SLC16A2: variants seen among roughly 807,000 people sequenced by gnomAD.
SLC16A2 encodes the protein solute carrier family 16 member 2, also known as monocarboxylate transporter 8.
A neutral mutation model predicts 27.2 loss-of-function variants in SLC16A2; 3 were observed. The observed-to-expected ratio is 0.11, with a 90% CI of 0.05 to 0.28. SLC16A2 has a LOEUF of 0.28. Ranked by LOEUF, SLC16A2 falls within the 10% of genes least tolerant of loss-of-function variation. The pLI, the probability that SLC16A2 is intolerant of heterozygous loss-of-function variation, is 1.00. For missense variants in SLC16A2, 295 were observed against 458.5 expected (o/e 0.64, Z 3.26); for synonymous variants, 202 against 187.8 (o/e 1.08, Z -0.62).
At chrX:74,509,851 G>A (rs1389632768) in intron 1 of SLC16A2, among the ~76,000 whole-genome samples, 1 of 112,497 alleles carries the variant, frequency 8.9e-6, no homozygotes, top group East Asian at 2.8e-4. Context: ...ACAGGCGTGG[G>A]CCACCGCTCC....
chrX:74,490,795 A>T (rs762593472), intron 1 of SLC16A2, among the ~76,000 whole-genome samples: 1 of 112,183 alleles, frequency 8.9e-6, no homozygotes, highest in East Asian at 2.8e-4. Context: ...GCACACAGAC[A>T]AGCCAAACTG....
chrX:74,440,038 G>C (rs911089951), intron 1 of SLC16A2, among the ~76,000 whole-genome samples: 11 of 111,598 alleles, frequency 9.9e-5, no homozygotes, highest in Non-Finnish European at 1.1e-4. Context: ...AGAATTCCTA[G>C]TGATAGAGTT....
intron 1 of SLC16A2, among the ~76,000 whole-genome samples, chrX:74,442,727 C>T (rs765362099): frequency 4.5e-5 from 5 of 111,979 alleles, no homozygotes; most frequent in African/African-American, 1.3e-4. Flanking sequence ...GAGGCCAAGG[C>T]GGGTGGATCA....
rs775626295 is a variant in SLC16A2 at position 74,452,745 on chromosome X, A to G, written c.430+30678A>G. ...ACTGACGGTCACTGACATAGTTTCA[A>G]TTGTCCTCAGCCTACAGTTCACTCT... On this transcript the variant is annotated intron_variant, in intron 1 of 5. Coordinates refer to ENST00000587091, the MANE Select transcript of SLC16A2 (RefSeq NM_006517.5). Among the ~76,000 whole-genome samples the G allele has an allele frequency of 3.6e-5, 4 of 111,035 alleles. No individual in the cohort carries two copies. In the South Asian group the frequency reaches 1.2e-3, roughly 32 times the overall value.
chrX:74,472,055 AT>A (rs1438464057), intron 1 of SLC16A2, among the ~76,000 whole-genome samples: 2 of 112,060 alleles, frequency 1.8e-5, no homozygotes, highest in Non-Finnish European at 3.8e-5. Context: ...ATACATATAC[AT>A]TTTGTTTATC....
chrX:74,421,799 G>GCCCCAGCCCCTACCGGAC lies in SLC16A2; in HGVS notation c.166_183dup (p.Gln56_Pro61dup), dbSNP rs1340423988. 8.7e-6 allele frequency: 10 copies of GCCCCAGCCCCTACCGGAC among 1,154,678 alleles called. No homozygotes were observed. The highest frequency in any genetic ancestry group is 9.3e-6 in the Non-Finnish European group (8 of 862,284). ...TGCCCCCGCCCGAGCCCCAGCCGGA[G>GCCCCAGCCCCTACCGGAC]CCCCAGCCCCTACCGGACCCCGCAC... On this transcript the variant is annotated inframe_insertion, in exon 1 of 6. Coordinates refer to ENST00000587091, the MANE Select transcript of SLC16A2 (RefSeq NM_006517.5).
At chrX:74,509,666 C>T (rs928623096) in intron 1 of SLC16A2, among the ~76,000 whole-genome samples, 13 of 111,081 alleles carry the variant, frequency 1.2e-4, no homozygotes, top group East Asian at 5.7e-4. Flanking sequence ...TGGGTTCAAG[C>T]GATTCTCCTT....
chrX:74,511,050 G>A (rs937779388), intron 1 of SLC16A2, among the ~76,000 whole-genome samples: 3 of 111,106 alleles, frequency 2.7e-5, no homozygotes, highest in South Asian at 7.6e-4. Flanking sequence ...CAGCCTGGGT[G>A]ACAGAGCAAG....
chrX:74,497,132 T>C (rs1929952056), intron 1 of SLC16A2, among the ~76,000 whole-genome samples: 1 of 111,488 alleles, frequency 9.0e-6, no homozygotes. Flanking sequence ...TCTTGGGAAA[T>C]GCAACATTTG....
chrX:74,519,471 C>T (rs777436822), intron 1 of SLC16A2, among the ~76,000 whole-genome samples: 30 of 104,628 alleles, frequency 2.9e-4, no homozygotes, highest in African/African-American at 9.6e-4. Context: ...GCCACCACGC[C>T]TGGCCCTGAT....
chrX:74,447,815 G>A (rs1041323954), intron 1 of SLC16A2, among the ~76,000 whole-genome samples: 2 of 110,143 alleles, frequency 1.8e-5, no homozygotes, highest in Admixed American at 9.7e-5. Flanking sequence ...ACAAAACCCC[G>A]TCTCTACTAA....
At chrX:74,511,207 A>G (rs1456051418) in intron 1 of SLC16A2, among the ~76,000 whole-genome samples, 2 of 109,807 alleles carry the variant, frequency 1.8e-5, no homozygotes, top group Non-Finnish European at 3.8e-5. Flanking sequence ...TTTGAGACGG[A>G]GTCTCGCTCT....
At chrX:74,488,850 G>A (rs1277119646) in intron 1 of SLC16A2, among the ~76,000 whole-genome samples, 2 of 110,083 alleles carry the variant, frequency 1.8e-5, no homozygotes, top group African/African-American at 3.3e-5. Context: ...TTATTTTCTG[G>A]TTCCTTTTAC....
chrX:74,524,122 T>C (rs762455085), intron 2 of SLC16A2, among the ~76,000 whole-genome samples: 34 of 111,663 alleles, frequency 3.0e-4, no homozygotes, highest in Admixed American at 9.5e-4. Context: ...CAAGTCCAAG[T>C]TTTGCTGATT....
At chrX:74,486,989 T>C (rs1160489904) in intron 1 of SLC16A2, among the ~76,000 whole-genome samples, 1 of 112,260 alleles carries the variant, frequency 8.9e-6, no homozygotes, top group African/African-American at 3.2e-5. Context: ...GAAAGGATTA[T>C]AAATCATGCT....
At chrX:74,495,144 G>A (rs567405195) in intron 1 of SLC16A2, among the ~76,000 whole-genome samples, 2 of 112,012 alleles carry the variant, frequency 1.8e-5, no homozygotes, top group African/African-American at 6.5e-5. Context: ...GAGCCTTTTG[G>A]AAGCAGCTCC....
chrX:74,480,265 C>T (rs1929587078), intron 1 of SLC16A2, among the ~76,000 whole-genome samples: 1 of 112,510 alleles, frequency 8.9e-6, no homozygotes, highest in African/African-American at 3.2e-5. Flanking sequence ...GCTCCATGGG[C>T]CTAGGACCCT....
chrX:74,494,076 A>G (rs1929888781), intron 1 of SLC16A2, among the ~76,000 whole-genome samples: 1 of 111,994 alleles, frequency 8.9e-6, no homozygotes, highest in Non-Finnish European at 1.9e-5. Context: ...CTTCTCAATG[A>G]GGGGCTGAAA....
Position 74,524,649 on chromosome X carries a change from A to G in SLC16A2, c.866A>G (p.Asp289Gly). 1 of 1,211,646 alleles carries G rather than the reference A, an allele frequency of 8.3e-7. No individual in the cohort carries two copies. Among genetic ancestry groups the G allele is most frequent in the Non-Finnish European group, 1.1e-6 (1 of 895,495 alleles). ...CGGCCCCTCCTGCCCAGCTCCCAGGACACCCCAAGCAAGAGAGGTGTCCGC... is the reference window on the plus strand; with the variant it reads ...CGGCCCCTCCTGCCCAGCTCCCAGGGCACCCCAAGCAAGAGAGGTGTCCGC... Reference protein sequence around the residue: ...TYRPLLPSSQDTPSKRGVRTL... With the variant: ...TYRPLLPSSQGTPSKRGVRTL... The change falls in exon 3 of 6, where the codon GAC becomes GGC. Residue 289 changes from aspartate (D) to glycine (G), a missense_variant. Asp to Gly is a moderately conservative substitution (Grantham distance 94). Coordinates refer to ENST00000587091, the MANE Select transcript of SLC16A2 (RefSeq NM_006517.5).
Sources: allele counts gnomAD v4.1 joint callset (sites outside exome capture counted in the v4.1 genomes callset), GRCh38; gene constraint gnomAD v4.1.1; transcripts MANE v1.5; gene names NCBI Gene and HGNC (gene_info 2026-07-23, HGNC 2026-07-21).